The following CCSER1 variants were observed in gnomAD, a reference collection of about 807,000 sequenced individuals.
CCSER1 encodes serine-rich coiled-coil domain-containing protein 1.
In CCSER1, 41 loss-of-function variants were observed where a neutral mutation model predicts 82.0. The ratio of observed to expected loss-of-function variants is 0.50; its 90% CI spans 0.39 to 0.65. CCSER1 has a LOEUF of 0.65. Among genes scored for constraint, CCSER1 ranks in the 30% least tolerant of loss-of-function variants. CCSER1 has a pLI of 0.00. For missense variants in CCSER1, 1,119 were observed against 1,064.2 expected (o/e 1.05, Z -0.72); for synonymous variants, 414 against 383.9 (o/e 1.08, Z -0.92).
chr4:91,156,515 G>T (rs1028361797), intron 10 of CCSER1, among the ~76,000 whole-genome samples: 72 of 150,170 alleles, frequency 4.8e-4, no homozygotes, highest in African/African-American at 1.6e-3. Flanking sequence ...GTCATCAAAA[G>T]AATTAAATTA....
chr4:90,835,812 T>A (rs1440205415), intron 8 of CCSER1, among the ~76,000 whole-genome samples: 1 of 152,190 alleles, frequency 6.6e-6, no homozygotes, highest in Non-Finnish European at 1.5e-5. Flanking sequence ...ATGCAAGACA[T>A]CTGGGAGACT....
chr4:90,944,057 A>G (rs1385473195), intron 9 of CCSER1, among the ~76,000 whole-genome samples: 1 of 151,782 alleles, frequency 6.6e-6, no homozygotes, highest in African/African-American at 2.4e-5. Context: ...AAAACGGTGA[A>G]ACCCCGTCGC....
At chr4:91,386,089 T>C (rs1179027272) in intron 10 of CCSER1, among the ~76,000 whole-genome samples, 1 of 151,804 alleles carries the variant, frequency 6.6e-6, no homozygotes, top group Non-Finnish European at 1.5e-5. Context: ...TGAGCACTTT[T>C]AGTGCCCTGA....
chr4:90,285,741 G>GT (rs1207330312), intron 1 of CCSER1, among the ~76,000 whole-genome samples: 5 of 151,928 alleles, frequency 3.3e-5, no homozygotes, highest in African/African-American at 4.8e-5. Flanking sequence ...AGGGCTTTTA[G>GT]TTTTTTCCCA....
At chr4:91,020,934 T>C (rs1051290667) in intron 9 of CCSER1, among the ~76,000 whole-genome samples, 1 of 152,096 alleles carries the variant, frequency 6.6e-6, no homozygotes, top group Non-Finnish European at 1.5e-5. Flanking sequence ...GGTTAAAACA[T>C]TTGTGATGAT....
chr4:90,957,519 A>ATATTATATTATATATATTATATAATT (rs1561417701), intron 9 of CCSER1, among the ~76,000 whole-genome samples: 4 of 110,624 alleles, frequency 3.6e-5, no homozygotes, highest in South Asian at 2.6e-4. Flanking sequence ...AATATAACAT[A>ATATTATATTATATATATTATATAATT]ATATCATATA....
intron 10 of CCSER1, among the ~76,000 whole-genome samples, chr4:91,339,480 A>G (rs1747552758): frequency 6.6e-6 from 1 of 151,984 alleles, no homozygotes; most frequent in African/African-American, 2.4e-5. Flanking sequence ...AGGCTGTTGG[A>G]TTTAGAAATA....
chr4:90,706,029 G>A (rs990316697), intron 6 of CCSER1, among the ~76,000 whole-genome samples: 9 of 152,142 alleles, frequency 5.9e-5, no homozygotes, highest in Admixed American at 2.6e-4. Flanking sequence ...TGGTACCTCA[G>A]TTGGAAATGC....
At chr4:90,382,874 A>G (rs1436759187) in intron 3 of CCSER1, among the ~76,000 whole-genome samples, 1 of 131,328 alleles carries the variant, frequency 7.6e-6, no homozygotes, top group Non-Finnish European at 1.6e-5. Flanking sequence ...TTATTCAACT[A>G]TTTATTGCTG....
chr4:91,523,243 A>T (rs1760589821), intron 10 of CCSER1, among the ~76,000 whole-genome samples: 1 of 152,196 alleles, frequency 6.6e-6, no homozygotes, highest in Admixed American at 6.5e-5. Context: ...CATGGTGGAT[A>T]AGCTTTTTGA....
At chr4:90,525,666 A>G (rs1773669737) in intron 5 of CCSER1, among the ~76,000 whole-genome samples, 2 of 151,932 alleles carry the variant, frequency 1.3e-5, no homozygotes, top group South Asian at 2.1e-4. Flanking sequence ...CTGTCTTTTA[A>G]TGATTAAATC....
intron 8 of CCSER1, among the ~76,000 whole-genome samples, chr4:90,867,176 T>A (rs919786401): frequency 9.2e-5 from 14 of 152,018 alleles, no homozygotes; most frequent in African/African-American, 3.4e-4. Flanking sequence ...CTGTTGCCAG[T>A]TTTGAGAGAC....
intron 5 of CCSER1, among the ~76,000 whole-genome samples, chr4:90,522,141 C>A (rs914322932): frequency 6.6e-6 from 1 of 152,124 alleles, no homozygotes; most frequent in Non-Finnish European, 1.5e-5. Context: ...CCTGCATGGA[C>A]AAATCTAAAC....
At chr4:90,525,392 A>G (rs1442415269) in intron 5 of CCSER1, among the ~76,000 whole-genome samples, 1 of 152,126 alleles carries the variant, frequency 6.6e-6, no homozygotes, top group Non-Finnish European at 1.5e-5. Context: ...TAGATTGCTT[A>G]AAGTCTCCAA....
intron 9 of CCSER1, among the ~76,000 whole-genome samples, chr4:90,932,718 C>T (rs1729982916): frequency 6.7e-6 from 1 of 148,774 alleles, no homozygotes; most frequent in African/African-American, 2.5e-5. Flanking sequence ...ATTCCAGCTA[C>T]TCAAGAGGCT....
Position 90,434,137 on chromosome 4 carries a change from T to G in CCSER1, c.1603+34008T>G, listed in dbSNP as rs74787457. On this transcript the variant is annotated intron_variant, in intron 4 of 10. Transcript: ENST00000509176. ...TCTTTTATATCTGTCATATTGTCCT[T>G]AACAGAATTCTAGTTTATCCCTAGT... Among the ~76,000 whole-genome samples, 1,422 of 152,228 alleles carry G rather than the reference T, an allele frequency of 9.3e-3. 10 individuals carry two copies. Among genetic ancestry groups the G allele is most frequent in the South Asian group, 0.022 (105 of 4,822 alleles).
At chr4:91,481,044 C>T (rs146150774) in intron 10 of CCSER1, among the ~76,000 whole-genome samples, 1,756 of 121,286 alleles carry the variant, frequency 0.014, 28 homozygotes, top group African/African-American at 0.05. Context: ...TCCCTCCCCT[C>T]CCCACCCCTG....
chr4:91,386,680 G>A (rs776876488), intron 10 of CCSER1, among the ~76,000 whole-genome samples: 2 of 151,970 alleles, frequency 1.3e-5, no homozygotes, highest in Non-Finnish European at 2.9e-5. Context: ...GAAGCTGGAC[G>A]GCACTTTATC....
chr4:90,669,853 T>C (rs573413979), intron 6 of CCSER1, among the ~76,000 whole-genome samples: 8 of 152,212 alleles, frequency 5.3e-5, no homozygotes, highest in African/African-American at 1.9e-4. Context: ...TCTAAAATAT[T>C]TGTCAAACTT....
Sources: gnomAD v4.1 joint callset for allele counts (sites outside exome capture counted in the v4.1 genomes callset) on GRCh38, gnomAD v4.1.1 for gene constraint, MANE v1.5 for transcripts, NCBI Gene and HGNC (gene_info 2026-07-23, HGNC 2026-07-21) for gene names.